ROBO2: variants seen among roughly 807,000 people sequenced by gnomAD.
ROBO2 encodes the protein roundabout guidance receptor 2.
A neutral mutation model predicts 160.8 loss-of-function variants in ROBO2; 53 were observed. The observed-to-expected ratio is 0.33, with a 90% CI of 0.26 to 0.41. The LOEUF is 0.41. ROBO2 is among the 10% of genes least tolerant of loss of function. The pLI is 1.00. For missense variants in ROBO2, 1,577 were observed against 1,722.4 expected (o/e 0.92, Z 1.49); for synonymous variants, 664 against 611.7 (o/e 1.09, Z -1.26).
chr3:76,029,743 AT>A (rs1258151457), intron 2 of ROBO2, among the ~76,000 whole-genome samples: 1 of 152,128 alleles, frequency 6.6e-6, no homozygotes, highest in African/African-American at 2.4e-5. Flanking sequence ...TATGTGCCAC[AT>A]TTTGTTAATC....
chr3:77,317,229 G>A (rs2064096253), intron 2 of ROBO2: 4 of 813,816 alleles, frequency 4.9e-6, no homozygotes, highest in Non-Finnish European at 8.8e-6. Flanking sequence ...CCACGTCACA[G>A]CCCAGGTTAA....
At chr3:77,079,500 C>T (rs1043790695) in intron 1 of ROBO2, among the ~76,000 whole-genome samples, 1 of 151,876 alleles carries the variant, frequency 6.6e-6, no homozygotes, top group African/African-American at 2.4e-5. Flanking sequence ...ATGGTGACTT[C>T]GAATTTGAGA....
chr3:76,196,662 G>A (rs6789077), intron 2 of ROBO2, among the ~76,000 whole-genome samples: 10,974 of 152,086 alleles, frequency 0.072, 554 homozygotes, highest in East Asian at 0.22. Context: ...AGTAAATTCT[G>A]TAAGGAAAAA....
intron 2 of ROBO2, among the ~76,000 whole-genome samples, chr3:76,518,632 T>A (rs984938880): frequency 6.6e-6 from 1 of 152,172 alleles, no homozygotes; most frequent in Non-Finnish European, 1.5e-5. Flanking sequence ...AAATTTCCTA[T>A]GTATTACAAA....
At chr3:77,358,418 T>A (rs1282861559) in intron 2 of ROBO2, among the ~76,000 whole-genome samples, 2 of 152,194 alleles carry the variant, frequency 1.3e-5, no homozygotes, top group African/African-American at 4.8e-5. Flanking sequence ...TAATTTTATC[T>A]GCGACAAACT....
At chr3:77,208,906 G>C (rs1421580449) in intron 2 of ROBO2, among the ~76,000 whole-genome samples, 2 of 152,088 alleles carry the variant, frequency 1.3e-5, no homozygotes, top group African/African-American at 2.4e-5. Flanking sequence ...CATTTTATCT[G>C]CCAAAAGAAC....
chr3:76,246,356 G>A (rs913137618), intron 2 of ROBO2, among the ~76,000 whole-genome samples: 12 of 152,202 alleles, frequency 7.9e-5, no homozygotes, highest in South Asian at 2.1e-4. Flanking sequence ...ATTTGAGGAC[G>A]TAAGTCTACA....
intron 2 of ROBO2, among the ~76,000 whole-genome samples, chr3:75,980,323 G>T (rs2065241582): frequency 6.6e-6 from 1 of 151,454 alleles, no homozygotes; most frequent in Non-Finnish European, 1.5e-5. Context: ...CGTCTTTAGG[G>T]GTTCCTGATC....
intron 2 of ROBO2, among the ~76,000 whole-genome samples, chr3:77,358,646 C>G (rs1049528590): frequency 2.6e-5 from 4 of 152,164 alleles, no homozygotes; most frequent in African/African-American, 9.7e-5. Context: ...CCACGTGCAT[C>G]TACGCAGGCC....
chr3:76,132,098 G>A (rs1419351557), intron 2 of ROBO2, among the ~76,000 whole-genome samples: 2 of 152,046 alleles, frequency 1.3e-5, no homozygotes, highest in Non-Finnish European at 2.9e-5. Context: ...GTCAGTGTAT[G>A]GTCATACTCG....
intron 2 of ROBO2, among the ~76,000 whole-genome samples, chr3:75,958,375 G>T (rs1473347777): frequency 6.6e-6 from 1 of 151,806 alleles, no homozygotes; most frequent in Non-Finnish European, 1.5e-5. Context: ...TGTTAAATCA[G>T]ACATGATACT....
intron 2 of ROBO2, among the ~76,000 whole-genome samples, chr3:77,309,129 G>A (rs2063337553): frequency 6.6e-6 from 1 of 151,148 alleles, no homozygotes; most frequent in African/African-American, 2.4e-5. Context: ...TTATAGCTAG[G>A]ATTGAGAACC....
chr3:76,873,335 C>T (rs181344995), intron 2 of ROBO2, among the ~76,000 whole-genome samples: 1 of 152,272 alleles, frequency 6.6e-6, no homozygotes. Flanking sequence ...TTAAATCTAG[C>T]ATCCAGAATC....
At chr3:76,033,741 T>G (rs1312109114) in intron 2 of ROBO2, among the ~76,000 whole-genome samples, 1 of 152,174 alleles carries the variant, frequency 6.6e-6, no homozygotes, top group Non-Finnish European at 1.5e-5. Context: ...ACAGCTCACC[T>G]GGAGCTAGTG....
chr3:77,572,672 CTTAA>C (rs931645128), intron 13 of ROBO2, among the ~76,000 whole-genome samples: 1 of 151,576 alleles, frequency 6.6e-6, no homozygotes, highest in African/African-American at 2.4e-5. Context: ...CACACACTCA[CTTAA>C]TTGAGGGAGT....
intron 2 of ROBO2, among the ~76,000 whole-genome samples, chr3:75,985,399 C>T (rs1232705382): frequency 6.6e-6 from 1 of 151,568 alleles, no homozygotes; most frequent in African/African-American, 2.4e-5. Flanking sequence ...AAGCATGTTA[C>T]TGTACTGAAT....
chr3:77,632,446 C>T, intron 23 of ROBO2: 1 of 1,497,790 alleles, frequency 6.7e-7, no homozygotes, highest in Middle Eastern at 1.7e-4. Context: ...ATATATACAA[C>T]TCACTAGACA....
At chr3:76,499,496 G>A (rs1194451243) in intron 2 of ROBO2, among the ~76,000 whole-genome samples, 1 of 152,102 alleles carries the variant, frequency 6.6e-6, no homozygotes, top group Non-Finnish European at 1.5e-5. Context: ...TTGACTTTCA[G>A]GAGTACATTT....
intron 2 of ROBO2, among the ~76,000 whole-genome samples, chr3:76,591,493 T>G (rs2108830241): frequency 6.6e-6 from 1 of 152,224 alleles, no homozygotes; most frequent in Middle Eastern, 3.4e-3. Flanking sequence ...TCTATTTTTA[T>G]AGAAGTTACT....
Sources: gnomAD v4.1 joint callset for allele counts (sites outside exome capture counted in the v4.1 genomes callset) on GRCh38, gnomAD v4.1.1 for gene constraint, MANE v1.5 for transcripts, NCBI Gene and HGNC (gene_info 2026-07-23, HGNC 2026-07-21) for gene names.